TRPC6: variants seen among roughly 807,000 people sequenced by gnomAD.
The protein encoded by TRPC6 is short transient receptor potential channel 6.
In TRPC6, 55 loss-of-function variants were observed where a neutral mutation model predicts 90.7. The observed-to-expected ratio is 0.61, with a 90% CI of 0.49 to 0.76. TRPC6 has a LOEUF of 0.76. Among genes scored for constraint, TRPC6 ranks in the 30% least tolerant of loss-of-function variants. TRPC6 has a pLI of 0.00. For synonymous variants in TRPC6, 393 were observed against 393.0 expected (o/e 1.00, Z 0.00); for missense variants, 989 against 1,122.7 (o/e 0.88, Z 1.70).
chr11:101,474,107 T>C (rs1332581766), intron 6 of TRPC6, among the ~76,000 whole-genome samples: 1 of 152,206 alleles, frequency 6.6e-6, no homozygotes, highest in Non-Finnish European at 1.5e-5. Context: ...CTAGTTTTGT[T>C]TCCCCATTTT....
At chr11:101,545,757 G>T (rs1861289489) in intron 1 of TRPC6, among the ~76,000 whole-genome samples, 1 of 152,100 alleles carries the variant, frequency 6.6e-6, no homozygotes, top group South Asian at 2.1e-4. Flanking sequence ...GATGGAGAGG[G>T]CTTTATCATT....
rs145220127 is a variant in TRPC6 at position 101,486,490 on chromosome 11, T to A, written c.1293+2447A>T. On this transcript the variant is annotated intron_variant, in intron 4 of 12. Transcript: ENST00000344327. ...TAAATACCTAGCTACTCAACACCAC[T>A]TAGAAATGAAAAAGGTTGAGACTAG... Among the ~76,000 whole-genome samples the A allele has an allele frequency of 4.2e-3, 637 of 152,240 alleles. 1 individual carries two copies. The highest frequency in any genetic ancestry group is 0.015 in the African/African-American group (614 of 41,540).
chr11:101,512,770 C>A (rs937025724), intron 1 of TRPC6, among the ~76,000 whole-genome samples: 3 of 152,100 alleles, frequency 2.0e-5, no homozygotes, highest in Non-Finnish European at 2.9e-5. Context: ...TAAAAAGTTT[C>A]TTTGTAATAC....
Position 101,499,650 on chromosome 11 carries a change from T to C in TRPC6, c.945+4374A>G, listed in dbSNP as rs536876725. On this transcript the variant is annotated intron_variant, in intron 2 of 12. Transcript: ENST00000344327. Reference sequence around the variant, plus strand: ...ACAATATAAAATGTGTATATATATATATACACAATATAAAATGTGTATATA... The same window carrying C: ...ACAATATAAAATGTGTATATATATACATACACAATATAAAATGTGTATATA... Among the ~76,000 whole-genome samples the C allele has an allele frequency of 7.2e-5, 10 of 138,256 alleles. 1 individual carries two copies. Among genetic ancestry groups the C allele is most frequent in the South Asian group, 2.2e-4 (1 of 4,464 alleles). The allele number at this position is 138,256 out of a possible 152,430, so 90.7% of individuals were successfully genotyped here.
rs967671741 is a variant in TRPC6, at chr11:101,462,845, G to A, written c.2484+6582C>T. ...CCCTTGCCAGAACTTCCAATACTACGTTAAATAGGAGTGGTGAGGGAGGAC... is the reference window on the plus strand; with the variant it reads ...CCCTTGCCAGAACTTCCAATACTACATTAAATAGGAGTGGTGAGGGAGGAC... On this transcript the variant is annotated intron_variant, in intron 10 of 12. Coordinates refer to ENST00000344327, the MANE Select transcript of TRPC6 (RefSeq NM_004621.6). Among the ~76,000 whole-genome samples, 6 of 152,012 alleles carry A rather than the reference G, an allele frequency of 3.9e-5. No homozygotes were observed. In the East Asian group the frequency reaches 7.7e-4, roughly 20 times the overall value.
Position 101,583,613 on chromosome 11 carries a change from C to T in TRPC6, c.-110G>A. On this transcript the variant is annotated 5_prime_UTR_variant, in exon 1 of 13. Transcript: ENST00000344327. ...CGTCAGCGGCCGAACTGGACCTGGGCAGACCGGTGCCCAGGGGACGACGGT... is the reference window on the plus strand; with the variant it reads ...CGTCAGCGGCCGAACTGGACCTGGGTAGACCGGTGCCCAGGGGACGACGGT... The T allele has an allele frequency of 2.4e-6, 3 of 1,239,020 alleles. No individual in the cohort carries two copies. The highest frequency in any genetic ancestry group is 3.0e-5 in the East Asian group (1 of 33,802). 76.8% of individuals were successfully genotyped at this position (1,239,020 alleles called of 1,614,324 possible). A position where few individuals can be genotyped will look rare whatever the true frequency, so the allele number is the denominator to read the frequency against.
intron 4 of TRPC6, among the ~76,000 whole-genome samples, chr11:101,487,307 A>C (rs1859698722): frequency 6.6e-6 from 1 of 152,158 alleles, no homozygotes; most frequent in East Asian, 1.9e-4. Flanking sequence ...GACTCAGGAA[A>C]TATAAGGAGA....
At position 101,491,405 on chromosome 11, in the gene TRPC6, G is replaced by C. The variant is rs878949775; in HGVS notation, c.1128+151C>G. 26 of 991,856 alleles carry C rather than the reference G, an allele frequency of 2.6e-5. No homozygotes were observed. The African/African-American group carries it at 4.3e-4, about 17-fold the overall frequency. The allele number at this position is 991,856 out of a possible 1,614,324, so 61.4% of individuals were successfully genotyped here. On this transcript the variant is annotated intron_variant, in intron 3 of 12. Transcript: ENST00000344327. ...GCCGAGATCGCACCACTGCACTCCA[G>C]ACTGGGCGACAGAGCGAGACTCCAT...
Position 101,477,774 on chromosome 11 carries a change from C to T in TRPC6, c.1511-1240G>A, listed in dbSNP as rs117915731. ...AATAAAATAGTTCATGTGAAATACA[C>T]AGCTCAGTGTCTGGCACTTGGAAAA... is the stretch of plus-strand genomic sequence containing the variant. On this transcript the variant is annotated intron_variant, in intron 5 of 12. Coordinates refer to ENST00000344327, the MANE Select transcript of TRPC6 (RefSeq NM_004621.6). Among the ~76,000 whole-genome samples, 1,498 of 152,326 alleles carry T rather than the reference C, an allele frequency of 9.8e-3. 8 individuals are homozygous for T. The highest frequency in any genetic ancestry group is 0.017 in the Non-Finnish European group (1,153 of 68,032).
intron 12 of TRPC6, 135 bp downstream of exon 12, chr11:101,453,515 G>A (rs1170680641): frequency 2.3e-6 from 2 of 862,332 alleles, no homozygotes; most frequent in South Asian, 1.4e-5. Context: ...AACGGCGGTT[G>A]GTGAGATCCT....
At chr11:101,459,153 T>G (rs1452663778) in intron 10 of TRPC6, among the ~76,000 whole-genome samples, 1 of 152,194 alleles carries the variant, frequency 6.6e-6, no homozygotes, top group African/African-American at 2.4e-5. Context: ...AAAGAGATAC[T>G]TGTGTTGATT....
At chr11:101,508,826 T>C (rs899605075) in intron 1 of TRPC6, among the ~76,000 whole-genome samples, 7 of 151,954 alleles carry the variant, frequency 4.6e-5, no homozygotes, top group African/African-American at 1.7e-4. Flanking sequence ...TGACACAAAA[T>C]AGTAACATAT....
intron 10 of TRPC6, among the ~76,000 whole-genome samples, chr11:101,467,485 T>C (rs1859175663): frequency 6.6e-6 from 1 of 152,254 alleles, no homozygotes. Flanking sequence ...ATTTGGATGT[T>C]GGTGTGATTA....
chr11:101,523,431 A>G (rs1289625069), intron 1 of TRPC6, among the ~76,000 whole-genome samples: 2 of 152,190 alleles, frequency 1.3e-5, no homozygotes, highest in African/African-American at 4.8e-5. Context: ...AGTCTATATC[A>G]TTTCTAAGAT....
intron 1 of TRPC6, among the ~76,000 whole-genome samples, chr11:101,532,425 C>T (rs1367340560): frequency 1.3e-5 from 2 of 152,164 alleles, no homozygotes; most frequent in Non-Finnish European, 2.9e-5. Context: ...TGAGATAGAT[C>T]TTATTCTTTT....
At chr11:101,485,124 A>AACACACACACAC (rs1425706836) in intron 4 of TRPC6, among the ~76,000 whole-genome samples, 2 of 91,576 alleles carry the variant, frequency 2.2e-5, no homozygotes, top group Non-Finnish European at 4.6e-5. Flanking sequence ...AGGGCCAAAG[A>AACACACACACAC]ATACACACAC....
chr11:101,516,302 CTTAT>C (rs1860520300), intron 1 of TRPC6, among the ~76,000 whole-genome samples: 1 of 151,988 alleles, frequency 6.6e-6, no homozygotes, highest in South Asian at 2.1e-4. Flanking sequence ...TTTCTTAAAT[CTTAT>C]TTTTTATTAT....
At chr11:101,480,543 C>T (rs1422937487) in intron 5 of TRPC6, among the ~76,000 whole-genome samples, 1 of 151,656 alleles carries the variant, frequency 6.6e-6, no homozygotes, top group Admixed American at 6.6e-5. Context: ...TCTTCATGCC[C>T]CTTTATATAA....
At position 101,572,570 on chromosome 11, in the gene TRPC6, G is replaced by A. The variant is rs534657205; in HGVS notation, c.170+10764C>T. ...AGACACATGCACACATATGTTTATT[G>A]CAGCACTGTTCACAATAGCAAAGAC... On this transcript the variant is annotated intron_variant, in intron 1 of 12. Transcript: ENST00000344327. Among the ~76,000 whole-genome samples the A allele has an allele frequency of 3.1e-4, 47 of 152,260 alleles. 1 individual carries two copies. The highest frequency in any genetic ancestry group is 1.1e-3 in the African/African-American group (46 of 41,566).
Sources: allele counts gnomAD v4.1 joint callset (sites outside exome capture counted in the v4.1 genomes callset), GRCh38; gene constraint gnomAD v4.1.1; transcripts MANE v1.5; gene names NCBI Gene and HGNC (gene_info 2026-07-23, HGNC 2026-07-21).